Variants in SYNE2 observed in about 807,000 individuals in gnomAD.
SYNE2 encodes spectrin repeat containing nuclear envelope protein 2, also known as nesprin-2.
Under a neutral mutation model 856.3 loss-of-function variants are expected in SYNE2, and 431 were observed. The observed-to-expected ratio is 0.50, with a 90% confidence interval of 0.47 to 0.55. The LOEUF is 0.55. Ranked by LOEUF, SYNE2 falls within the 20% of genes least tolerant of loss-of-function variation. SYNE2 has a pLI of 0.00. For synonymous variants in SYNE2, 2,923 were observed against 2,872.3 expected (o/e 1.02, Z -0.56); for missense variants, 8,129 against 8,023.2 (o/e 1.01, Z -0.50).
chr14:64,135,809 G>A (rs956474670), intron 78 of SYNE2, among the ~76,000 whole-genome samples: 8 of 152,174 alleles, frequency 5.3e-5, no homozygotes, highest in African/African-American at 1.9e-4. Context: ...GGACTTCATA[G>A]GCCATTCTCA....
chr14:64,109,027 C>T (rs907236892), intron 65 of SYNE2, among the ~76,000 whole-genome samples: 1 of 152,006 alleles, frequency 6.6e-6, no homozygotes, highest in Non-Finnish European at 1.5e-5. Context: ...AGGCACACAC[C>T]ATCACGCCTG....
At chr14:63,923,683 T>C (rs1031685918) in intron 2 of SYNE2, among the ~76,000 whole-genome samples, 22 of 152,216 alleles carry the variant, frequency 1.4e-4, no homozygotes, top group Non-Finnish European at 2.9e-5. Context: ...TTATTAAGCT[T>C]TATTAAGATA....
rs1595091213 is a variant in SYNE2 at position 64,042,961 on chromosome 14, T to G, written c.7222-5039T>G. Reference sequence around the variant, plus strand: ...GAAGACAGGAAAATGTGGGAAAGTTTGGAACTTCCTAGAGACTTGTTGAAT... The same window carrying G: ...GAAGACAGGAAAATGTGGGAAAGTTGGGAACTTCCTAGAGACTTGTTGAAT... On this transcript the variant is annotated intron_variant, in intron 45 of 115. Coordinates refer to ENST00000555002, the MANE Select transcript of SYNE2 (RefSeq NM_182914.3). 2.0e-5 allele frequency among the ~76,000 whole-genome samples: 3 copies of G among 152,292 alleles called. No individual in the cohort carries two copies. In the South Asian group the frequency reaches 6.2e-4, roughly 32 times the overall value.
chr14:63,972,958 A>G (rs930936055), intron 11 of SYNE2, among the ~76,000 whole-genome samples: 4 of 152,248 alleles, frequency 2.6e-5, no homozygotes, highest in African/African-American at 9.6e-5. Context: ...TGTTTATTTG[A>G]AAAGTCACAA....
At position 64,225,731 on chromosome 14, in the gene SYNE2, G is replaced by T. The variant is rs2098716039; in HGVS notation, c.*205G>T. 4.7e-6 allele frequency: 3 copies of T among 631,872 alleles called. No individual in the cohort carries two copies. Among genetic ancestry groups the T allele is most frequent in the East Asian group, 2.8e-5 (1 of 36,362 alleles). 39.1% of individuals were successfully genotyped at this position (631,872 alleles called of 1,614,324 possible). The stretch of plus-strand genomic sequence containing the variant: ...TCCCCAGGAGCAGGGAACCTGTGTG[G>T]CAGGTGCCCCGGGTATTTTGGCAGA... On this transcript the variant is annotated 3_prime_UTR_variant, in exon 116 of 116. Coordinates refer to ENST00000555002, the MANE Select transcript of SYNE2 (RefSeq NM_182914.3).
chr14:64,108,164 C>T (rs1299802786), intron 65 of SYNE2, among the ~76,000 whole-genome samples: 2 of 152,136 alleles, frequency 1.3e-5, no homozygotes, highest in Non-Finnish European at 2.9e-5. Flanking sequence ...GCCTGACCAA[C>T]AGGCTGGTGA....
At chr14:64,217,785 A>AC (rs2098673681) in intron 108 of SYNE2, among the ~76,000 whole-genome samples, 1 of 152,134 alleles carries the variant, frequency 6.6e-6, no homozygotes, top group Admixed American at 6.5e-5. Flanking sequence ...GGCCATACAG[A>AC]CAGAAGAAAG....
intron 3 of SYNE2, 118 bp downstream of exon 3, chr14:63,940,793 G>A: frequency 1.2e-6 from 1 of 856,620 alleles, no homozygotes; most frequent in Non-Finnish European, 1.9e-6. Flanking sequence ...GGAAAAGGTT[G>A]TGGAATGTCT....
rs1449985593 is a variant in SYNE2 at position 64,004,476 on chromosome 14, C to T, written c.4397+1146C>T. Reference sequence around the variant, plus strand: ...CCCCCAGTAGCTGGGATTACAGGCACGCGCCACCACGCCTGGCTAATTTTT... The same window carrying T: ...CCCCCAGTAGCTGGGATTACAGGCATGCGCCACCACGCCTGGCTAATTTTT... On this transcript the variant is annotated intron_variant, in intron 30 of 115. Coordinates refer to ENST00000555002, the MANE Select transcript of SYNE2 (RefSeq NM_182914.3). 3.3e-5 allele frequency among the ~76,000 whole-genome samples: 5 copies of T among 152,086 alleles called. No individual in the cohort carries two copies. The East Asian group carries it at 5.8e-4, about 18-fold the overall frequency.
At chr14:63,974,766 GTGTA>G (rs1243742365) in intron 11 of SYNE2, among the ~76,000 whole-genome samples, 2 of 140,276 alleles carry the variant, frequency 1.4e-5, no homozygotes, top group African/African-American at 2.8e-5. Flanking sequence ...ATACGTGTGT[GTGTA>G]TATATATATG....
chr14:64,012,264 A>G (rs1338332825), intron 32 of SYNE2, among the ~76,000 whole-genome samples: 1 of 152,188 alleles, frequency 6.6e-6, no homozygotes, highest in Non-Finnish European at 1.5e-5. Flanking sequence ...TTGGTGAGTC[A>G]GTTACCACTC....
rs764445294 is a variant in SYNE2, at chr14:64,215,370, T to G, written c.19402+16T>G. 3 of 1,613,696 alleles carry G rather than the reference T, an allele frequency of 1.9e-6. No individual in the cohort carries two copies. The highest frequency in any genetic ancestry group is 2.5e-6 in the Non-Finnish European group (3 of 1,179,712). ...GCGTCTTCTGGTAGGCCCCCGCCCA[T>G]GCATGTGTCAACATGGCAGCATCCT... On this transcript the variant is annotated intron_variant, in intron 107 of 115. Transcript: ENST00000555002.
At chr14:63,826,538 G>A (rs1280398249) in intron 1 of SYNE2, among the ~76,000 whole-genome samples, 1 of 152,136 alleles carries the variant, frequency 6.6e-6, no homozygotes, top group Admixed American at 6.5e-5. Flanking sequence ...TTGACCTCAT[G>A]ATCTGCCTGC....
At chr14:64,223,500 G>A in intron 113 of SYNE2, 120 bp downstream of exon 113, 1 of 1,102,296 alleles carries the variant, frequency 9.1e-7, no homozygotes, top group South Asian at 1.3e-5. Flanking sequence ...GTCCGAGTGG[G>A]GCCTCATGTC....
chr14:63,887,431 C>T (rs943664104), intron 1 of SYNE2, among the ~76,000 whole-genome samples: 19 of 152,290 alleles, frequency 1.2e-4, no homozygotes, highest in African/African-American at 4.3e-4. Flanking sequence ...GGTAGGAAGC[C>T]AGGTTTGAAC....
At chr14:63,823,456 T>G (rs945874631) in intron 1 of SYNE2, among the ~76,000 whole-genome samples, 1 of 151,860 alleles carries the variant, frequency 6.6e-6, no homozygotes, top group African/African-American at 2.4e-5. Flanking sequence ...GGATTACAAG[T>G]GTGAGCCACC....
At chr14:64,046,028 A>G (rs1301394990) in intron 45 of SYNE2, among the ~76,000 whole-genome samples, 1 of 152,234 alleles carries the variant, frequency 6.6e-6, no homozygotes, top group Non-Finnish European at 1.5e-5. Flanking sequence ...TACCTCAAAG[A>G]TTCTATGGAC....
At chr14:64,189,994 T>A (rs1596105747) in intron 98 of SYNE2, 77 bp from the exon 99 acceptor site, 1 of 1,474,340 alleles carries the variant, frequency 6.8e-7, no homozygotes, top group Non-Finnish European at 9.4e-7. Context: ...TTTCAAGAGG[T>A]AACTCTATGT....
chr14:64,020,083 T>C lies in SYNE2; in HGVS notation c.5141T>C (p.Leu1714Pro). 6.2e-7 allele frequency: 1 copy of C among 1,610,556 alleles called. No individual in the cohort carries two copies. Among genetic ancestry groups the C allele is most frequent in the Non-Finnish European group, 8.5e-7 (1 of 1,176,808 alleles). The change falls in exon 35 of 116, where the codon CTT (leucine) becomes CCT (proline). Residue 1714 changes from leucine to proline, a missense_variant. By Grantham distance (98) the Leu-to-Pro change is moderately conservative. Coordinates refer to ENST00000555002, the MANE Select transcript of SYNE2 (RefSeq NM_182914.3). ...TTGCTCCAAAGCAGTGAAATACCTC[T>C]TGAATTGCAGGTAAGAATTTTTATT... is the stretch of plus-strand genomic sequence containing the variant. ...QFLLQSSEIP[L>P]ELQVMESSIL...
Sources: allele counts gnomAD v4.1 joint callset (sites outside exome capture counted in the v4.1 genomes callset), GRCh38; gene constraint gnomAD v4.1.1; transcripts MANE v1.5; gene names NCBI Gene and HGNC (gene_info 2026-07-23, HGNC 2026-07-21).